PTPRT: variants seen among roughly 807,000 people sequenced by gnomAD.
PTPRT encodes the protein receptor-type tyrosine-protein phosphatase T.
PTPRT carries 56 observed loss-of-function variants against 176.8 expected under a neutral mutation model. That is an observed-to-expected ratio of 0.32 (90% CI 0.26 to 0.40). PTPRT has a LOEUF of 0.40. Ranked by LOEUF, PTPRT falls within the 10% of genes least tolerant of loss-of-function variation. The pLI is 1.00. For missense variants in PTPRT, 1,540 were observed against 1,908.2 expected (o/e 0.81, Z 3.60); for synonymous variants, 783 against 739.0 (o/e 1.06, Z -0.96).
chr20:42,721,746 A>T (rs1344882219), intron 6 of PTPRT, among the ~76,000 whole-genome samples: 1 of 152,170 alleles, frequency 6.6e-6, no homozygotes, highest in Non-Finnish European at 1.5e-5. Context: ...TTCCAAGGAA[A>T]TCCCTGCTGC....
chr20:42,360,089 G>A (rs1321608299), intron 9 of PTPRT, among the ~76,000 whole-genome samples: 2 of 152,202 alleles, frequency 1.3e-5, no homozygotes, highest in Non-Finnish European at 2.9e-5. Context: ...AGGGTCCTTA[G>A]TATTCACCAT....
At chr20:42,163,481 C>T (rs1240425556) in intron 16 of PTPRT, among the ~76,000 whole-genome samples, 1 of 152,166 alleles carries the variant, frequency 6.6e-6, no homozygotes, top group African/African-American at 2.4e-5. Flanking sequence ...TTAAATGTAC[C>T]ACTTGGCAAA....
Position 42,106,821 on chromosome 20 carries a change from G to A in PTPRT, c.3355C>T (p.Leu1119Phe), listed in dbSNP as rs1222754595. Residue 1119 changes from leucine (L) to phenylalanine (F), a missense_variant, in exon 24 of 31, where the codon CTC becomes TTC. Physicochemically the swap from Leu to Phe is conservative, Grantham distance 22 (BLOSUM62 0). Coordinates refer to ENST00000373187, the MANE Select transcript of PTPRT (RefSeq NM_007050.6). Reference sequence around the variant, plus strand: ...ACCAGGTTGACCCTTTGGGCCCGGAGCTCACGCACGCAGTTGAAGATGTCC... The same window carrying A: ...ACCAGGTTGACCCTTTGGGCCCGGAACTCACGCACGCAGTTGAAGATGTCC... The part of the protein sequence containing the change: ...VVDIFNCVRE[L>F]RAQRVNLVQT... The A allele has an allele frequency of 6.2e-7, 1 of 1,613,994 alleles. No homozygotes were observed. The highest frequency in any genetic ancestry group is 8.5e-7 in the Non-Finnish European group (1 of 1,180,010).
intron 1 of PTPRT, among the ~76,000 whole-genome samples, chr20:42,971,703 G>C (rs1270202022): frequency 6.6e-6 from 1 of 152,024 alleles, no homozygotes; most frequent in Non-Finnish European, 1.5e-5. Flanking sequence ...CCTACCCACG[G>C]ATACCAGGCT....
intron 1 of PTPRT, among the ~76,000 whole-genome samples, chr20:42,983,653 G>T (rs1295060698): frequency 6.6e-6 from 1 of 152,234 alleles, no homozygotes; most frequent in Admixed American, 6.5e-5. Context: ...GTAGTCCACA[G>T]GGAGGTGTGG....
intron 1 of PTPRT, among the ~76,000 whole-genome samples, chr20:42,992,888 T>TAGGG (rs1458689422): frequency 2.0e-5 from 3 of 152,160 alleles, no homozygotes; most frequent in Non-Finnish European, 2.9e-5. Flanking sequence ...GTGGACTAGT[T>TAGGG]AGGGCTTCCT....
At chr20:42,624,795 T>C (rs1383149980) in intron 7 of PTPRT, among the ~76,000 whole-genome samples, 1 of 152,198 alleles carries the variant, frequency 6.6e-6, no homozygotes, top group African/African-American at 2.4e-5. Flanking sequence ...TATTTATTTA[T>C]TTATTCACAG....
intron 9 of PTPRT, among the ~76,000 whole-genome samples, chr20:42,396,387 C>T (rs571662573): frequency 6.3e-4 from 96 of 152,328 alleles, no homozygotes; most frequent in Non-Finnish European, 1.3e-3. Flanking sequence ...AATGCCTGCT[C>T]AGCAGCCTCT....
chr20:42,896,696 C>T (rs962835526), intron 1 of PTPRT, among the ~76,000 whole-genome samples: 1 of 151,468 alleles, frequency 6.6e-6, no homozygotes, highest in Non-Finnish European at 1.5e-5. Flanking sequence ...AAACCAAGCA[C>T]GGGCTCTTCT....
chr20:42,102,450 G>C (rs537602809), intron 25 of PTPRT, among the ~76,000 whole-genome samples, 153 bp from the exon 26 acceptor site: 1 of 152,124 alleles, frequency 6.6e-6, no homozygotes, highest in African/African-American at 2.4e-5. Context: ...TCTCTTCCAC[G>C]GTGATGTTCT....
chr20:42,141,026 G>A (rs1028706470), intron 18 of PTPRT, among the ~76,000 whole-genome samples: 1 of 152,156 alleles, frequency 6.6e-6, no homozygotes. Flanking sequence ...TCCCGAGGGC[G>A]CTAACTACTC....
the PTPRT span, among the ~76,000 whole-genome samples, chr20:42,047,293 G>A: frequency 1.8e-3 from 276 of 152,280 alleles, no homozygotes; most frequent in African/African-American, 6.3e-3. Flanking sequence ...CTAGCAAATA[G>A]GAAACCTTGT....
intron 18 of PTPRT, 28 bp downstream of exon 18, chr20:42,141,887 G>T (rs945146746): frequency 1.3e-6 from 2 of 1,582,754 alleles, no homozygotes; most frequent in African/African-American, 1.3e-5. Flanking sequence ...AACACCTGAA[G>T]CTTAGGAGCT....
chr20:42,448,455 G>A (rs2070771021), intron 8 of PTPRT, 126 bp from the exon 9 acceptor site: 2 of 689,502 alleles, frequency 2.9e-6, no homozygotes, highest in Non-Finnish European at 5.2e-6. Context: ...TAGGTCTGAT[G>A]GGCTGTACGT....
chr20:42,425,868 T>C (rs961237690), intron 9 of PTPRT, among the ~76,000 whole-genome samples: 2 of 152,098 alleles, frequency 1.3e-5, no homozygotes, highest in African/African-American at 2.4e-5. Flanking sequence ...CAAATCAGCG[T>C]TATCAATGTG....
chr20:42,527,507 T>A (rs1023968067), intron 7 of PTPRT, among the ~76,000 whole-genome samples: 2 of 152,222 alleles, frequency 1.3e-5, no homozygotes, highest in African/African-American at 4.8e-5. Context: ...CCTTTCCTCA[T>A]CATTATTTTC....
chr20:42,928,617 C>T (rs1979635736), intron 1 of PTPRT, among the ~76,000 whole-genome samples: 1 of 152,064 alleles, frequency 6.6e-6, no homozygotes, highest in Non-Finnish European at 1.5e-5. Flanking sequence ...TACAATTGCC[C>T]AGGGATCCAA....
chr20:42,949,885 C>G (rs1217843246), intron 1 of PTPRT, among the ~76,000 whole-genome samples: 1 of 152,168 alleles, frequency 6.6e-6, no homozygotes, highest in Admixed American at 6.5e-5. Context: ...CTGTCTTTCT[C>G]CCTTACCATA....
chr20:42,565,815 T>A (rs905456063), intron 7 of PTPRT, among the ~76,000 whole-genome samples: 14 of 152,074 alleles, frequency 9.2e-5, no homozygotes, highest in African/African-American at 3.4e-4. Flanking sequence ...AGCTGTGCAG[T>A]CCCAGCTGGG....
Sources: gnomAD v4.1 joint callset for allele counts (sites outside exome capture counted in the v4.1 genomes callset) on GRCh38, gnomAD v4.1.1 for gene constraint, MANE v1.5 for transcripts, NCBI Gene and HGNC (gene_info 2026-07-23, HGNC 2026-07-21) for gene names.